The following MGMT variants were observed in gnomAD, a reference collection of about 807,000 sequenced individuals.
MGMT encodes methylated-DNA--protein-cysteine methyltransferase.
In MGMT, 14 loss-of-function variants were observed where a neutral mutation model predicts 15.9. The ratio of observed to expected loss-of-function variants is 0.88; its 90% CI spans 0.58 to 1.37. The LOEUF is 1.37. MGMT is among the 40% of genes most tolerant of loss of function. MGMT has a pLI of 0.00. For synonymous variants in MGMT, 130 were observed against 118.2 expected, an observed-to-expected ratio of 1.10 and a Z score of -0.65; for missense variants, 282 against 268.1, an observed-to-expected ratio of 1.05 and a Z score of -0.36.
chr10:129,644,896 G>T lies in MGMT; in HGVS notation c.126-62999G>T, dbSNP rs377629060. 1.6e-3 allele frequency among the ~76,000 whole-genome samples: 250 copies of T among 152,228 alleles called. 1 individual carries two copies. Among genetic ancestry groups the T allele is most frequent in the Middle Eastern group, 3.4e-3 (1 of 294 alleles). On this transcript the variant is annotated intron_variant, in intron 2 of 4. Coordinates refer to ENST00000651593, the MANE Select transcript of MGMT (RefSeq NM_002412.5). ...TGCACATCTCTTCACTGCGTGGCAG[G>T]TCCTGTGGAGGCAGAGCTTGGGTCT...
chr10:129,707,846 T>C (rs770371622), intron 2 of MGMT, 49 bp from the exon 3 acceptor site: 10 of 1,606,160 alleles, frequency 6.2e-6, no homozygotes, highest in African/African-American at 1.3e-5. Context: ...TTCCGATGTG[T>C]GGAGGCAGGG....
chr10:129,478,880 T>C (rs1359540387), intron 1 of MGMT, among the ~76,000 whole-genome samples: 2 of 151,990 alleles, frequency 1.3e-5, no homozygotes, highest in Admixed American at 6.6e-5. Flanking sequence ...TTTATTTACT[T>C]ATTAGCACAG....
chr10:129,768,419 G>A lies in MGMT; in HGVS notation c.*1422G>A, dbSNP rs1848963126. Among the ~76,000 whole-genome samples the A allele has an allele frequency of 6.6e-6, 1 of 152,380 alleles. No individual in the cohort carries two copies. Among genetic ancestry groups the A allele is most frequent in the Middle Eastern group, 3.4e-3 (1 of 294 alleles). ...AGACACGTGCTGTTTTGTGGGACAG[G>A]CCCTGGGCCTCCTTGCTCCTGGCAG... is the stretch of plus-strand genomic sequence containing the variant. On this transcript the variant is annotated 3_prime_UTR_variant, in exon 5 of 5. Transcript: ENST00000651593.
Position 129,759,219 on chromosome 10 carries a change from G to C in MGMT, c.292G>C (p.Val98Leu). Residue 98 changes from valine to leucine, a missense_variant, in exon 4 of 5, where the codon GTG (valine) becomes CTG (leucine). Transcript: ENST00000651593. ...VFQQESFTRQ[V>L]LWKLLKVVKF... ...CCTTTCAGAGTCGTTCACCAGACAGGTGTTATGGAAGCTGCTGAAGGTTGT... is the reference window on the plus strand; with the variant it reads ...CCTTTCAGAGTCGTTCACCAGACAGCTGTTATGGAAGCTGCTGAAGGTTGT... The C allele has an allele frequency of 6.2e-7, 1 of 1,614,218 alleles. No individual in the cohort carries two copies. The highest frequency in any genetic ancestry group is 8.5e-7 in the Non-Finnish European group (1 of 1,180,054).
chr10:129,483,260 G>C (rs1317185091), intron 1 of MGMT, among the ~76,000 whole-genome samples: 1 of 152,064 alleles, frequency 6.6e-6, no homozygotes, highest in South Asian at 2.1e-4. Context: ...CCAATATATA[G>C]AGTTACTATT....
chr10:129,477,438 G>A (rs1021240955), intron 1 of MGMT, among the ~76,000 whole-genome samples: 9 of 152,190 alleles, frequency 5.9e-5, no homozygotes, highest in Non-Finnish European at 5.9e-5. Flanking sequence ...TTCACAGGCT[G>A]AAGTCCTGAC....
intron 2 of MGMT, among the ~76,000 whole-genome samples, chr10:129,656,283 G>A (rs187124158): frequency 5.3e-4 from 80 of 152,352 alleles, no homozygotes; most frequent in Non-Finnish European, 8.1e-4. Flanking sequence ...CCTCTCTTGG[G>A]AACCAGTTGT....
At chr10:129,470,945 G>A (rs1281330705) in intron 1 of MGMT, among the ~76,000 whole-genome samples, 1 of 152,192 alleles carries the variant, frequency 6.6e-6, no homozygotes, top group Non-Finnish European at 1.5e-5. Flanking sequence ...TGCAATAAAT[G>A]CCTGGTGTGT....
At chr10:129,563,151 C>G (rs916473337) in intron 2 of MGMT, among the ~76,000 whole-genome samples, 1 of 152,190 alleles carries the variant, frequency 6.6e-6, no homozygotes, top group African/African-American at 2.4e-5. Flanking sequence ...AATGTGTTTT[C>G]AGGGTCGATG....
chr10:129,510,981 C>A (rs769517868), intron 1 of MGMT, among the ~76,000 whole-genome samples: 2 of 148,240 alleles, frequency 1.3e-5, no homozygotes, highest in Non-Finnish European at 3.0e-5. Flanking sequence ...GTGATGAGAA[C>A]CCTGTATACC....
intron 2 of MGMT, among the ~76,000 whole-genome samples, chr10:129,703,649 C>A (rs555204527): frequency 6.6e-6 from 1 of 152,120 alleles, no homozygotes; most frequent in South Asian, 2.1e-4. Context: ...GAAACGGCAG[C>A]CCCTGTGCTC....
intron 2 of MGMT, among the ~76,000 whole-genome samples, chr10:129,702,914 C>T (rs1362109881): frequency 2.0e-5 from 3 of 152,180 alleles, no homozygotes; most frequent in Admixed American, 1.3e-4. Flanking sequence ...TGATAAGCGC[C>T]GCCGTGAGAG....
In MGMT at chr10:129,770,051, G is replaced by A. The variant is rs1321862149; in HGVS notation, c.*3054G>A. On this transcript the variant is annotated 3_prime_UTR_variant, in exon 5 of 5. Transcript: ENST00000651593. ...GAAACAGCTTACTGAACACCCCTCG[G>A]GTGGCTGGATGATGTGCTAGCAACT... Among the ~76,000 whole-genome samples, 1 of 152,080 alleles carries A rather than the reference G, an allele frequency of 6.6e-6. No individual in the cohort carries two copies. Among genetic ancestry groups the A allele is most frequent in the African/African-American group, 2.4e-5 (1 of 41,402 alleles).
At chr10:129,592,230 G>A (rs1055329859) in intron 2 of MGMT, among the ~76,000 whole-genome samples, 10 of 152,154 alleles carry the variant, frequency 6.6e-5, no homozygotes, top group African/African-American at 2.2e-4. Flanking sequence ...AATTTTCAAG[G>A]AAAATAGCTG....
intron 1 of MGMT, among the ~76,000 whole-genome samples, chr10:129,510,257 T>C (rs1042556469): frequency 3.9e-5 from 6 of 152,174 alleles, no homozygotes; most frequent in Non-Finnish European, 2.9e-5. Context: ...GTTAGAAATA[T>C]GTGGTTTTGT....
At chr10:129,656,015 A>G (rs1220717055) in intron 2 of MGMT, among the ~76,000 whole-genome samples, 5 of 152,200 alleles carry the variant, frequency 3.3e-5, no homozygotes, top group African/African-American at 1.2e-4. Context: ...AGGTCTCAGA[A>G]GGGTCAGCTA....
intron 2 of MGMT, among the ~76,000 whole-genome samples, chr10:129,657,318 T>C (rs1180936548): frequency 6.6e-6 from 1 of 151,788 alleles, no homozygotes; most frequent in East Asian, 1.9e-4. Flanking sequence ...TGGCAAGTAA[T>C]TGTGAAATAG....
At chr10:129,492,888 T>C (rs55843986) in intron 1 of MGMT, among the ~76,000 whole-genome samples, 7,721 of 152,302 alleles carry the variant, frequency 0.051, 554 homozygotes, top group African/African-American at 0.16. Flanking sequence ...GCTTGAAATC[T>C]TGATTGAAGT....
chr10:129,619,710 A>T (rs2133074584), intron 2 of MGMT, among the ~76,000 whole-genome samples: 1 of 151,792 alleles, frequency 6.6e-6, no homozygotes, highest in East Asian at 1.9e-4. Flanking sequence ...TCTTTCAAAG[A>T]GTTTGTTTTA....
Sources: allele counts gnomAD v4.1 joint callset (sites outside exome capture counted in the v4.1 genomes callset), GRCh38; gene constraint gnomAD v4.1.1; transcripts MANE v1.5; gene names NCBI Gene and HGNC (gene_info 2026-07-23, HGNC 2026-07-21).